The following XPO4 variants were observed in gnomAD, a reference collection of about 807,000 sequenced individuals.
XPO4 encodes exportin-4.
A neutral mutation model predicts 143.0 loss-of-function variants in XPO4; 39 were observed. That is an observed-to-expected ratio of 0.27 (90% CI 0.21 to 0.36). The LOEUF (loss-of-function observed/expected upper bound fraction) is 0.36. XPO4 is among the 10% of genes least tolerant of loss of function. The pLI is 1.00. For synonymous variants in XPO4, 439 were observed against 474.0 expected, an observed-to-expected ratio of 0.93 and a Z score of 0.96; for missense variants, 907 against 1,348.0, an observed-to-expected ratio of 0.67 and a Z score of 5.12.
At chr13:20,883,033 G>A (rs1027497873) in intron 1 of XPO4, among the ~76,000 whole-genome samples, 1 of 152,058 alleles carries the variant, frequency 6.6e-6, no homozygotes, top group Non-Finnish European at 1.5e-5. Context: ...CCCACCAAAA[G>A]CCACAGCTCC....
At chr13:20,825,417 T>C (rs1355848841) in intron 7 of XPO4, among the ~76,000 whole-genome samples, 1 of 152,234 alleles carries the variant, frequency 6.6e-6, no homozygotes, top group Non-Finnish European at 1.5e-5. Flanking sequence ...AGATTAGCCA[T>C]TGTCATTTTT....
intron 2 of XPO4, among the ~76,000 whole-genome samples, chr13:20,865,139 ATT>A (rs35116814): frequency 0.23 from 33,350 of 142,214 alleles, 5,165 homozygotes; most frequent in East Asian, 0.79. Context: ...TTCATCTAGC[ATT>A]TTTTTTTTTT....
intron 9 of XPO4, 50 bp from the exon 10 acceptor site, chr13:20,810,017 G>A (rs2059557194): frequency 2.0e-6 from 3 of 1,474,610 alleles, no homozygotes; most frequent in Non-Finnish European, 2.7e-6. Context: ...ACGACAATTG[G>A]CATAACAACA....
intron 7 of XPO4, among the ~76,000 whole-genome samples, chr13:20,826,471 T>C (rs2059787223): frequency 6.6e-6 from 1 of 152,218 alleles, no homozygotes; most frequent in South Asian, 2.1e-4. Flanking sequence ...GTATCTGCGT[T>C]TCCCATTCTC....
At chr13:20,839,968 G>A (rs2059957208) in intron 6 of XPO4, among the ~76,000 whole-genome samples, 1 of 151,712 alleles carries the variant, frequency 6.6e-6, no homozygotes, top group Admixed American at 6.6e-5. Context: ...AGGCAACAGA[G>A]CAAGATTCTT....
intron 14 of XPO4, 110 bp from the exon 15 acceptor site, chr13:20,800,435 C>T (rs2059416950): frequency 2.0e-6 from 2 of 1,013,170 alleles, no homozygotes; most frequent in Non-Finnish European, 1.4e-6. Context: ...GTAGTGCTTA[C>T]TTCACATCAA....
intron 1 of XPO4, among the ~76,000 whole-genome samples, chr13:20,872,856 A>C (rs1335905523): frequency 6.6e-6 from 1 of 152,204 alleles, no homozygotes; most frequent in African/African-American, 2.4e-5. Flanking sequence ...AAAGAAAAAA[A>C]TCTTCCCTAA....
intron 6 of XPO4, among the ~76,000 whole-genome samples, chr13:20,839,997 A>G (rs1475893911): frequency 6.6e-6 from 1 of 152,034 alleles, no homozygotes; most frequent in East Asian, 1.9e-4. Context: ...ATAAATAAAT[A>G]AATAAAAATA....
At chr13:20,894,532 T>C (rs1486331912) in intron 1 of XPO4, among the ~76,000 whole-genome samples, 2 of 152,246 alleles carry the variant, frequency 1.3e-5, no homozygotes, top group East Asian at 3.9e-4. Context: ...TTCAAGGAAG[T>C]AGATTTTAAA....
In XPO4 at chr13:20,895,131, T is replaced by C. The variant is rs560335705; in HGVS notation, c.69+7539A>G. Among the ~76,000 whole-genome samples, 48 of 152,096 alleles carry C rather than the reference T, an allele frequency of 3.2e-4. No individual in the cohort carries two copies. In the South Asian group the frequency reaches 3.5e-3, roughly 11 times the overall value. On this transcript the variant is annotated intron_variant, in intron 1 of 22. Coordinates refer to ENST00000255305, the MANE Select transcript of XPO4 (RefSeq NM_022459.5). The stretch of plus-strand genomic sequence containing the variant: ...AGGCAGGGGTGGCAGGGAGCCGAGA[T>C]TGCGCCACTGCACTCCAGCCTAGGC...
intron 1 of XPO4, among the ~76,000 whole-genome samples, chr13:20,893,088 G>C (rs567183802): frequency 2.0e-5 from 3 of 152,008 alleles, no homozygotes; most frequent in African/African-American, 7.2e-5. Context: ...CAAGTGGGAA[G>C]GGTTGCAAAA....
At chr13:20,894,868 G>A (rs1595172277) in intron 1 of XPO4, among the ~76,000 whole-genome samples, 1 of 148,290 alleles carries the variant, frequency 6.7e-6, no homozygotes, top group Admixed American at 6.8e-5. Flanking sequence ...AAAAAAGGTA[G>A]ATTTTTTTAA....
chr13:20,799,345 G>A lies in XPO4; in HGVS notation c.2148-6C>T, dbSNP rs1352197573. Reference sequence around the variant, plus strand: ...ATTGAATTACTAAGTTTGCCCTACAGGTAGAAATAACAAAACATAAGATGT... The same window carrying A: ...ATTGAATTACTAAGTTTGCCCTACAAGTAGAAATAACAAAACATAAGATGT... On this transcript the variant is annotated splice_region_variant and splice_polypyrimidine_tract_variant and intron_variant, in intron 15 of 22. Coordinates refer to ENST00000255305, the MANE Select transcript of XPO4 (RefSeq NM_022459.5). The A allele has an allele frequency of 2.5e-6, 4 of 1,610,162 alleles. No individual in the cohort carries two copies. Among genetic ancestry groups the A allele is most frequent in the African/African-American group, 1.3e-5 (1 of 74,740 alleles).
intron 1 of XPO4, among the ~76,000 whole-genome samples, chr13:20,875,584 C>T (rs2060343039): frequency 6.6e-6 from 1 of 152,206 alleles, no homozygotes; most frequent in South Asian, 2.1e-4. Flanking sequence ...ATGTCCTCCT[C>T]TCTCACATAA....
At chr13:20,786,073 G>C (rs2059201698) in intron 22 of XPO4, among the ~76,000 whole-genome samples, 1 of 152,044 alleles carries the variant, frequency 6.6e-6, no homozygotes, top group Admixed American at 6.6e-5. Context: ...GACAGAGAAA[G>C]GGCACAGATT....
intron 7 of XPO4, among the ~76,000 whole-genome samples, chr13:20,825,102 C>T (rs537505053): frequency 2.0e-5 from 3 of 151,946 alleles, no homozygotes; most frequent in East Asian, 3.9e-4. Context: ...AGACCATAAG[C>T]GAGATCAAGA....
At chr13:20,838,335 C>T (rs1329226938) in intron 6 of XPO4, among the ~76,000 whole-genome samples, 8 of 151,824 alleles carry the variant, frequency 5.3e-5, no homozygotes, top group African/African-American at 1.9e-4. Flanking sequence ...TGGGGCTGGG[C>T]GCAGTGGCTC....
In XPO4 at chr13:20,868,612, A is replaced by G. The variant is rs1444592499; in HGVS notation, c.159T>C (p.Val53=). 1.2e-6 allele frequency: 2 copies of G among 1,612,658 alleles called. No individual in the cohort carries two copies. Among genetic ancestry groups the G allele is most frequent in the East Asian group, 2.2e-5 (1 of 44,788 alleles). ...AATACTTACCCAAAATATGCTTGCA[A>G]ACTGCAAATGGTGATTTTGATTTCC... ...SFRKSKSPFA[V]CKHILETSKV... is the part of the protein sequence containing the mutation. The change falls in exon 2 of 23, where the codon GTT becomes GTC. Residue 53 remains valine, a synonymous_variant. Transcript: ENST00000255305.
In XPO4 at chr13:20,822,161, G is replaced by C. The variant is rs2059728590; in HGVS notation, c.969C>G (p.Phe323Leu). ...EGSQVDYLAH[F>L]IEGLLNTING... ...TGATAGTATTCAGTAATCCCTCAATGAAGTGTGCTAGATAATCAACTTGTG... is the reference window on the plus strand; with the variant it reads ...TGATAGTATTCAGTAATCCCTCAATCAAGTGTGCTAGATAATCAACTTGTG... The change falls in exon 8 of 23, where the codon TTC becomes TTG. Residue 323 changes from phenylalanine to leucine, a missense_variant. Transcript: ENST00000255305. 6.2e-7 allele frequency: 1 copy of C among 1,613,452 alleles called. No individual in the cohort carries two copies.
Sources: allele counts gnomAD v4.1 joint callset (sites outside exome capture counted in the v4.1 genomes callset), GRCh38; gene constraint gnomAD v4.1.1; transcripts MANE v1.5; gene names NCBI Gene and HGNC (gene_info 2026-07-23, HGNC 2026-07-21).